ZNF512B: variants seen among roughly 807,000 people sequenced by gnomAD.
ZNF512B encodes the protein zinc finger protein 512B.
Under a neutral mutation model 87.8 loss-of-function variants are expected in ZNF512B, and 22 were observed. The observed-to-expected ratio is 0.25, with a 90% CI of 0.18 to 0.36. ZNF512B has a LOEUF of 0.36. Among genes scored for constraint, ZNF512B ranks in the 10% least tolerant of loss-of-function variants. The pLI is 1.00. For missense variants in ZNF512B, 1,060 were observed against 1,231.6 expected, an observed-to-expected ratio of 0.86 and a Z score of 2.09; for synonymous variants, 524 against 490.9, an observed-to-expected ratio of 1.07 and a Z score of -0.89.
At position 63,962,231 on chromosome 20, in the gene ZNF512B, T is replaced by C. The variant is rs545677335; in HGVS notation, c.2265+42A>G. On this transcript the variant is annotated intron_variant, in intron 14 of 16. Coordinates refer to ENST00000369888, the MANE Select transcript of ZNF512B (RefSeq NM_020713.3). ...GAGGGCCACACCCAGGCTCTGGCCC[T>C]GTATGGCTCCCCACGCCCCCCACCC... The C allele has an allele frequency of 5.7e-4, 882 of 1,558,530 alleles. 13 individuals carry two copies. In the South Asian group the frequency reaches 9.8e-3, roughly 17 times the overall value.
chr20:63,961,840 G>C lies in ZNF512B; in HGVS notation c.2328+102C>G, dbSNP rs1252883427. ...AGGAGGCCACGTAGAAAAAGTAGGG[G>C]ACAAGGCAGGGTCCCTCACTACTGT... On this transcript the variant is annotated intron_variant, in intron 15 of 16. Transcript: ENST00000369888. The surrounding 1 kb of genome is among the most constrained non-coding windows in gnomAD (Gnocchi z 6.4). 6.4e-6 allele frequency: 8 copies of C among 1,253,182 alleles called. No individual in the cohort carries two copies. In the South Asian group the frequency reaches 9.1e-5, roughly 14 times the overall value. The allele number at this position is 1,253,182 out of a possible 1,614,324, so 77.6% of individuals were successfully genotyped here. A position where few individuals can be genotyped will look rare whatever the true frequency, so the allele number is the denominator to read the frequency against.
chr20:63,959,678 G>A lies in ZNF512B; in HGVS notation c.*210C>T. On this transcript the variant is annotated 3_prime_UTR_variant, in exon 17 of 17. Transcript: ENST00000369888. ...ATTGCACTTCTGCTGGGCACACCTT[G>A]GGGAGCCCCAACCCAGGTGTGCCCT... is the stretch of plus-strand genomic sequence containing the variant. The A allele has an allele frequency of 1.5e-6, 1 of 677,426 alleles. No homozygotes were observed. The highest frequency in any genetic ancestry group is 2.4e-6 in the Non-Finnish European group (1 of 425,202). The allele number at this position is 677,426 out of a possible 1,614,324, so 42.0% of individuals were successfully genotyped here.
chr20:63,963,556 C>A, intron 10 of ZNF512B, 62 bp downstream of exon 10: 2 of 1,601,114 alleles, frequency 1.2e-6, no homozygotes, highest in Non-Finnish European at 1.7e-6. Flanking sequence ...GGGGGCACTG[C>A]GGTGAAGGTG....
Position 63,963,659 on chromosome 20 carries a change from C to A in ZNF512B, c.1657G>T (p.Ala553Ser). 1 of 1,613,694 alleles carries A rather than the reference C, an allele frequency of 6.2e-7. No homozygotes were observed. The change falls in exon 10 of 17, where the codon GCC (alanine) becomes TCC (serine). Residue 553 changes from alanine to serine, a missense_variant. Transcript: ENST00000369888. The stretch of plus-strand genomic sequence containing the variant: ...GCCATAGTGTGGTAGTTGAGGCCGG[C>A]TTTGGACTTGAACTGCTTCCGGCAG... ...QHCRKQFKSK[A>S]GLNYHTMAEH...
chr20:63,964,740 G>A (rs370180381), intron 5 of ZNF512B, 24 bp from the exon 6 acceptor site: 205 of 1,604,804 alleles, frequency 1.3e-4, no homozygotes, highest in Non-Finnish European at 1.7e-4. Flanking sequence ...GTGAGGTGAG[G>A]GCCAGGAGGG....
intron 1 of ZNF512B, 113 bp from the exon 2 acceptor site, chr20:63,968,065 C>A: frequency 7.5e-7 from 1 of 1,330,266 alleles, no homozygotes; most frequent in Middle Eastern, 2.3e-4. Context: ...GGAAGAGGGG[C>A]CTGCCTTCCT....
Position 63,967,966 on chromosome 20 carries a change from A to G in ZNF512B, c.-2-14T>C, listed in dbSNP as rs368901322. 10 of 1,595,636 alleles carry G rather than the reference A, an allele frequency of 6.3e-6. No individual in the cohort carries two copies. The African/African-American group carries it at 8.0e-5, about 13-fold the overall frequency. ...GATCCGTCATCTCTGCAGAGCAAGT[A>G]GACAATCTGTGAAGCCTGACGGGCC... On this transcript the variant is annotated splice_polypyrimidine_tract_variant and intron_variant, in intron 1 of 16. Coordinates refer to ENST00000369888, the MANE Select transcript of ZNF512B (RefSeq NM_020713.3).
chr20:63,967,448 C>T lies in ZNF512B; in HGVS notation c.197G>A (p.Ser66Asn), dbSNP rs1389283636. 1.2e-6 allele frequency: 2 copies of T among 1,613,474 alleles called. No homozygotes were observed. The highest frequency in any genetic ancestry group is 1.7e-6 in the Non-Finnish European group (2 of 1,179,738). The change falls in exon 3 of 17, where the codon AGT becomes AAT. Residue 66 changes from serine (S) to asparagine (N), a missense_variant. By Grantham distance (46) the Ser-to-Asn change is conservative. Coordinates refer to ENST00000369888, the MANE Select transcript of ZNF512B (RefSeq NM_020713.3). ...PLCFDPGSPA[S>N]DKTEGKKKGR... is the part of the protein sequence containing the mutation. ...CTTTTTCTTCCCTTCTGTCTTGTCACTGGCTGGACTTCCCGGGTCAAAGCA... is the reference window on the plus strand; with the variant it reads ...CTTTTTCTTCCCTTCTGTCTTGTCATTGGCTGGACTTCCCGGGTCAAAGCA...
In ZNF512B at chr20:63,962,274, T is replaced by A. The variant is rs751626666; in HGVS notation, c.2264A>T (p.Asp755Val). 1.9e-5 allele frequency: 31 copies of A among 1,609,904 alleles called. No individual in the cohort carries two copies. Among genetic ancestry groups the A allele is most frequent in the African/African-American group, 2.7e-5 (2 of 74,894 alleles). Residue 755 changes from aspartate (D) to valine (V), a missense_variant and splice_region_variant, in exon 14 of 17, where the codon GAC becomes GTC. By Grantham distance (152) the Asp-to-Val change is radical. Around this residue, in one of 9 missense-constraint regions of ZNF512B, gnomAD observed 253 missense variants for 259.2 expected, o/e 0.98. Coordinates refer to ENST00000369888, the MANE Select transcript of ZNF512B (RefSeq NM_020713.3). The part of the protein sequence containing the change: ...KEKGHVNCPN[D>V]CCEAIYSSVS... ...CCCCACCCGGCTGCCTCCGCTCACG[T>A]CGTTGGGACAGTTGACGTGGCCTTT...
At chr20:63,960,423 C>G (rs1372843466) in intron 16 of ZNF512B, among the ~76,000 whole-genome samples, 1 of 148,716 alleles carries the variant, frequency 6.7e-6, no homozygotes, top group Non-Finnish European at 1.5e-5. Context: ...GCACCTGCAG[C>G]AGGGCTGGAC....
Position 63,956,871 on chromosome 20 carries a change from A to C in ZNF512B, c.*3017T>G, listed in dbSNP as rs1264035370. The C allele has an allele frequency of 6.5e-6, 1 of 152,730 alleles. No individual in the cohort carries two copies. The highest frequency in any genetic ancestry group is 2.4e-5 in the African/African-American group (1 of 41,456). The allele number at this position is 152,730 out of a possible 1,614,324, so 9.5% of individuals were successfully genotyped here. A position where few individuals can be genotyped will look rare whatever the true frequency, so the allele number is the denominator to read the frequency against. On this transcript the variant is annotated 3_prime_UTR_variant, in exon 17 of 17. Coordinates refer to ENST00000369888, the MANE Select transcript of ZNF512B (RefSeq NM_020713.3). Reference sequence around the variant, plus strand: ...CTCACCGTTGAAACATCTCGCAAATAAACACTTTGTAGATAGAATATATAT... The same window carrying C: ...CTCACCGTTGAAACATCTCGCAAATCAACACTTTGTAGATAGAATATATAT...
chr20:63,960,395 G>C (rs2058837200), intron 16 of ZNF512B, among the ~76,000 whole-genome samples: 1 of 147,578 alleles, frequency 6.8e-6, no homozygotes, highest in Non-Finnish European at 1.5e-5. Context: ...GCTGGACACA[G>C]CCTTCGGGAC....
rs747133747 is a variant in ZNF512B at position 63,966,308 on chromosome 20, C to T, written c.867G>A (p.Pro289=). 1.6e-5 allele frequency: 25 copies of T among 1,593,930 alleles called. No individual in the cohort carries two copies. Among genetic ancestry groups the T allele is most frequent in the Middle Eastern group, 1.7e-4 (1 of 6,006 alleles). Residue 289 remains proline, a synonymous_variant, in exon 5 of 17, where the codon CCG becomes CCA. Transcript: ENST00000369888. ...TGCTGACTGTCACTGGCTTGGTGAC[C>T]GGCACGGGTTTCGTAACTGTCACAA... is the stretch of plus-strand genomic sequence containing the variant. ...TKLVTVTKPV[P]VTKPVTVSRP... is the part of the protein sequence containing the mutation.
chr20:63,962,777 G>T lies in ZNF512B; in HGVS notation c.1973C>A (p.Pro658His). The T allele has an allele frequency of 6.3e-7, 1 of 1,593,304 alleles. No homozygotes were observed. The highest frequency in any genetic ancestry group is 1.1e-5 in the South Asian group (1 of 89,368). ...HVRSEHTAPP[P>H]EEPTDKSPEA... The stretch of plus-strand genomic sequence containing the variant: ...AGGGGACTTGTCTGTGGGCTCCTCA[G>T]GGGGCTGGAGGGCAGGAAGGCATGG... The change falls in exon 13 of 17, where the codon CCT (proline) becomes CAT (histidine). Residue 658 changes from proline to histidine, a missense_variant. Transcript: ENST00000369888.
chr20:63,963,088 C>G lies in ZNF512B; in HGVS notation c.1968+7G>C. ...AGCACTGTGCCACAGAACAGAGAGC[C>G]ACTCACGGGGGCCGTGTGCTCCGAG... On this transcript the variant is annotated splice_region_variant and intron_variant, in intron 12 of 16. Coordinates refer to ENST00000369888, the MANE Select transcript of ZNF512B (RefSeq NM_020713.3). The G allele has an allele frequency of 6.5e-7, 1 of 1,548,520 alleles. No individual in the cohort carries two copies. Among genetic ancestry groups the G allele is most frequent in the Non-Finnish European group, 8.7e-7 (1 of 1,153,238 alleles).
In ZNF512B at chr20:63,963,920, G is replaced by A; in HGVS notation, c.1481-7C>T. ...CACTGCTCTTCAGGGCCACCTGTGGGTAAGGCAGGGGCCTCGAAGGCTTGT... is the reference window on the plus strand; with the variant it reads ...CACTGCTCTTCAGGGCCACCTGTGGATAAGGCAGGGGCCTCGAAGGCTTGT... On this transcript the variant is annotated splice_polypyrimidine_tract_variant and splice_region_variant and intron_variant, in intron 8 of 16. Transcript: ENST00000369888. The A allele has an allele frequency of 6.2e-7, 1 of 1,608,844 alleles. No homozygotes were observed.
In ZNF512B at chr20:63,958,576, A is replaced by C. The variant is rs2058819510; in HGVS notation, c.*1312T>G. The C allele has an allele frequency of 1.4e-5, 2 of 144,384 alleles. No homozygotes were observed. The highest frequency in any genetic ancestry group is 2.0e-4 in the East Asian group (1 of 4,880). The allele number at this position is 144,384 out of a possible 1,614,324, so 8.9% of individuals were successfully genotyped here. On this transcript the variant is annotated 3_prime_UTR_variant, in exon 17 of 17. Transcript: ENST00000369888. ...TCCAAACCTACCCCCTCTGAGCCTC[A>C]TCCTCCCTGCAATGCCGTGGTTGGA...
Position 63,963,306 on chromosome 20 carries a change from C to A in ZNF512B, c.1797+36G>T, listed in dbSNP as rs141318480. The A allele has an allele frequency of 2.2e-4, 338 of 1,535,474 alleles. 2 individuals are homozygous for A. The Middle Eastern group carries it at 2.3e-3, about 10-fold the overall frequency. On this transcript the variant is annotated intron_variant, in intron 11 of 16. Transcript: ENST00000369888. ...GAGGGTGGGTGAGTGGCCAGCAGGG[C>A]CCCCCCACCCCACACTGCCGCGGCC...
intron 14 of ZNF512B, 122 bp downstream of exon 14, chr20:63,962,151 G>A: frequency 7.8e-7 from 1 of 1,289,566 alleles, no homozygotes; most frequent in Non-Finnish European, 1.1e-6. Context: ...GGGCATGTGA[G>A]GCCTGGGGTG....
Sources: allele counts gnomAD v4.1 joint callset (sites outside exome capture counted in the v4.1 genomes callset), GRCh38; gene constraint gnomAD v4.1.1; regional missense constraint gnomAD v4.1.1; non-coding constraint Gnocchi (gnomAD v3.1); transcripts MANE v1.5; gene names NCBI Gene and HGNC (gene_info 2026-07-23, HGNC 2026-07-21).